The following CNTNAP5 variants were observed in gnomAD, a reference collection of about 807,000 sequenced individuals.
The protein encoded by CNTNAP5 is contactin associated protein family member 5.
In CNTNAP5, 72 loss-of-function variants were observed where a neutral mutation model predicts 150.2. That is an observed-to-expected ratio of 0.48 (90% CI 0.40 to 0.58). The LOEUF is 0.58. Ranked by LOEUF, CNTNAP5 falls within the 20% of genes least tolerant of loss-of-function variation. The probability of loss-of-function intolerance (pLI) is 0.00; values close to 1 mark genes in which losing one functional copy is unlikely to be tolerated. For synonymous variants in CNTNAP5, 672 were observed against 619.8 expected, an observed-to-expected ratio of 1.08 and a Z score of -1.25; for missense variants, 1,636 against 1,626.2, an observed-to-expected ratio of 1.01 and a Z score of -0.10.
chr2:124,440,525 C>T (rs967710645), intron 5 of CNTNAP5, among the ~76,000 whole-genome samples: 1 of 152,002 alleles, frequency 6.6e-6, no homozygotes, highest in African/African-American at 2.4e-5. Flanking sequence ...AACATGCATG[C>T]CCTTTACCAG....
chr2:124,600,463 T>C (rs1696959689), intron 11 of CNTNAP5, among the ~76,000 whole-genome samples: 1 of 18,918 alleles, frequency 5.3e-5, no homozygotes, highest in South Asian at 0.25. Flanking sequence ...CAATGATGTG[T>C]GTAAATCTAC....
At chr2:124,143,962 A>T (rs1288183589) in intron 1 of CNTNAP5, among the ~76,000 whole-genome samples, 2 of 150,974 alleles carry the variant, frequency 1.3e-5, no homozygotes, top group African/African-American at 4.9e-5. Context: ...TACAAAATCA[A>T]TGTACAAAAA....
intron 8 of CNTNAP5, 110 bp from the exon 9 acceptor site, chr2:124,524,192 TG>T: frequency 1.0e-6 from 1 of 987,832 alleles, no homozygotes; most frequent in Non-Finnish European, 1.5e-6. Flanking sequence ...GAGTGAGGAG[TG>T]GGTTTGCTCT....
At chr2:124,279,691 C>T (rs969271714) in intron 3 of CNTNAP5, among the ~76,000 whole-genome samples, 2 of 152,076 alleles carry the variant, frequency 1.3e-5, no homozygotes, top group Non-Finnish European at 2.9e-5. Context: ...CTAAAAAGTG[C>T]TACCAATTAC....
At chr2:124,802,351 A>G (rs1469159513) in intron 19 of CNTNAP5, among the ~76,000 whole-genome samples, 2 of 152,192 alleles carry the variant, frequency 1.3e-5, no homozygotes, top group African/African-American at 4.8e-5. Context: ...GCCCTTTATC[A>G]TTATTCTTGA....
chr2:124,895,080 T>A (rs1038384790), intron 21 of CNTNAP5, among the ~76,000 whole-genome samples: 1 of 151,638 alleles, frequency 6.6e-6, no homozygotes, highest in African/African-American at 2.4e-5. Context: ...TAGTGTTCAG[T>A]TGAAATAATG....
chr2:124,027,981 A>G (rs1221167304), intron 1 of CNTNAP5, among the ~76,000 whole-genome samples: 1 of 152,208 alleles, frequency 6.6e-6, no homozygotes, highest in Non-Finnish European at 1.5e-5. Flanking sequence ...CTCTTTATTC[A>G]TTAAATATAG....
intron 11 of CNTNAP5, among the ~76,000 whole-genome samples, chr2:124,582,805 TTTAA>T (rs1696445060): frequency 6.6e-6 from 1 of 152,224 alleles, no homozygotes; most frequent in Admixed American, 6.5e-5. Flanking sequence ...AACATAATGT[TTTAA>T]TTAACTTCTT....
At chr2:124,401,395 A>G (rs1420965327) in intron 3 of CNTNAP5, among the ~76,000 whole-genome samples, 1 of 152,218 alleles carries the variant, frequency 6.6e-6, no homozygotes, top group African/African-American at 2.4e-5. Context: ...TGTACATAAT[A>G]TCAGTTGTCA....
At chr2:124,212,401 C>T (rs1381977051) in intron 1 of CNTNAP5, among the ~76,000 whole-genome samples, 2 of 152,088 alleles carry the variant, frequency 1.3e-5, no homozygotes, top group East Asian at 1.9e-4. Flanking sequence ...TTTGTGGAAA[C>T]TTTTCAAGTA....
At chr2:124,451,047 A>AT (rs1426752191) in intron 6 of CNTNAP5, among the ~76,000 whole-genome samples, 20 of 73,542 alleles carry the variant, frequency 2.7e-4, no homozygotes, top group East Asian at 1.2e-3. Flanking sequence ...AAAAAAAAAA[A>AT]AAAAATATAT....
At chr2:124,844,702 T>C (rs376579034) in intron 19 of CNTNAP5, among the ~76,000 whole-genome samples, 65 of 152,066 alleles carry the variant, frequency 4.3e-4, no homozygotes, top group African/African-American at 1.3e-3. Flanking sequence ...GTTTTCCTTG[T>C]AGTGGTTTTT....
At chr2:124,882,676 T>C (rs959551193) in intron 21 of CNTNAP5, among the ~76,000 whole-genome samples, 6 of 152,118 alleles carry the variant, frequency 3.9e-5, no homozygotes, top group African/African-American at 1.4e-4. Context: ...CTGCTTTAGG[T>C]CTGTGAACAG....
intron 3 of CNTNAP5, among the ~76,000 whole-genome samples, chr2:124,387,233 C>T (rs190630431): frequency 6.6e-6 from 1 of 152,236 alleles, no homozygotes. Flanking sequence ...AGAATGTCAT[C>T]TTTTCTGCTG....
At chr2:124,388,434 C>T (rs748941586) in intron 3 of CNTNAP5, among the ~76,000 whole-genome samples, 4 of 152,164 alleles carry the variant, frequency 2.6e-5, no homozygotes, top group Admixed American at 1.3e-4. Context: ...TCACCTCCTG[C>T]GGGCTCTAGC....
At chr2:124,642,220 A>G (rs73955536) in intron 12 of CNTNAP5, among the ~76,000 whole-genome samples, 2,018 of 152,198 alleles carry the variant, frequency 0.013, 46 homozygotes, top group African/African-American at 0.045. Context: ...ATGTTTCAGA[A>G]TATTCCACCA....
At chr2:124,147,675 A>AACTG (rs1684287223) in intron 1 of CNTNAP5, among the ~76,000 whole-genome samples, 1 of 152,164 alleles carries the variant, frequency 6.6e-6, no homozygotes, top group African/African-American at 2.4e-5. Flanking sequence ...AAACAGCTCC[A>AACTG]TTGAGGGGAT....
At position 124,086,282 on chromosome 2, in the gene CNTNAP5, C is replaced by T. The variant is rs980186889; in HGVS notation, c.82+60550C>T. ...CGCCATCTCGGCTCATTGCAAGCTC[C>T]GCCTCCCGGCTCCCGGGTTCACTCC... is the stretch of plus-strand genomic sequence containing the variant. On this transcript the variant is annotated intron_variant, in intron 1 of 23. Transcript: ENST00000682447. Among the ~76,000 whole-genome samples, 14 of 147,722 alleles carry T rather than the reference C, an allele frequency of 9.5e-5. 1 individual carries two copies. Among genetic ancestry groups the T allele is most frequent in the Middle Eastern group, 3.5e-3 (1 of 286 alleles).
At chr2:124,419,429 C>A (rs563893847) in intron 4 of CNTNAP5, among the ~76,000 whole-genome samples, 1 of 152,156 alleles carries the variant, frequency 6.6e-6, no homozygotes, top group East Asian at 1.9e-4. Context: ...TGGTGATGAA[C>A]CCCTTGGAGA....
Sources: gnomAD v4.1 joint callset for allele counts (sites outside exome capture counted in the v4.1 genomes callset) on GRCh38, gnomAD v4.1.1 for gene constraint, MANE v1.5 for transcripts, NCBI Gene and HGNC (gene_info 2026-07-23, HGNC 2026-07-21) for gene names.